Variants in GABRG3 observed in about 807,000 individuals in gnomAD.
GABRG3 encodes gamma-aminobutyric acid type A receptor subunit gamma3, also known as gamma-aminobutyric acid receptor subunit gamma-3.
A neutral mutation model predicts 48.8 loss-of-function variants in GABRG3; 25 were observed. The ratio of observed to expected loss-of-function variants is 0.51; its 90% CI spans 0.37 to 0.72. The LOEUF (loss-of-function observed/expected upper bound fraction) is 0.72. GABRG3 is among the 30% of genes least tolerant of loss of function. The pLI is 0.00. For synonymous variants in GABRG3, 227 were observed against 217.6 expected (o/e 1.04, Z -0.38); for missense variants, 394 against 577.9 (o/e 0.68, Z 3.26).
At position 27,455,816 on chromosome 15, in the gene GABRG3, A is replaced by G. The variant is rs9920174; in HGVS notation, c.575-24834A>G. 1.8e-3 allele frequency among the ~76,000 whole-genome samples: 210 copies of G among 114,862 alleles called. 1 individual carries two copies. The highest frequency in any genetic ancestry group is 4.2e-3 in the South Asian group (16 of 3,826). 75.4% of individuals were successfully genotyped at this position (114,862 alleles called of 152,430 possible). A position where few individuals can be genotyped will look rare whatever the true frequency, so the allele number is the denominator to read the frequency against. On this transcript the variant is annotated intron_variant, in intron 5 of 9. Coordinates refer to ENST00000615808, the MANE Select transcript of GABRG3 (RefSeq NM_033223.5). The stretch of plus-strand genomic sequence containing the variant: ...TATGTGCATGGTATATGTATGCCGT[A>G]GGTGGTTTGTGAGTGTGTGTGATGT...
chr15:27,391,298 T>C (rs903228716), intron 5 of GABRG3, among the ~76,000 whole-genome samples: 1 of 152,140 alleles, frequency 6.6e-6, no homozygotes. Context: ...TAGACAACTT[T>C]AAATCTGAAT....
At chr15:27,206,722 G>C (rs1888863590) in intron 3 of GABRG3, among the ~76,000 whole-genome samples, 1 of 152,146 alleles carries the variant, frequency 6.6e-6, no homozygotes, top group African/African-American at 2.4e-5. Context: ...TGTTTTATGA[G>C]TCTGGGTGCT....
intron 5 of GABRG3, among the ~76,000 whole-genome samples, chr15:27,470,502 G>T (rs1437587125): frequency 6.6e-6 from 1 of 151,818 alleles, no homozygotes. Context: ...CAAAGTGCTA[G>T]GATTACAGGT....
At chr15:27,508,144 T>C (rs1890804876) in intron 6 of GABRG3, among the ~76,000 whole-genome samples, 1 of 152,212 alleles carries the variant, frequency 6.6e-6, no homozygotes, top group Admixed American at 6.5e-5. Flanking sequence ...TTTAGATCAT[T>C]AACATATAAA....
intron 2 of GABRG3, among the ~76,000 whole-genome samples, chr15:27,022,254 G>A (rs537874155): frequency 1.2e-4 from 18 of 152,244 alleles, no homozygotes; most frequent in African/African-American, 2.2e-4. Context: ...GCCACTTCAC[G>A]CTGGAAAAGT....
intron 3 of GABRG3, among the ~76,000 whole-genome samples, chr15:27,305,154 A>G (rs200703220): frequency 6.6e-6 from 1 of 151,978 alleles, no homozygotes; most frequent in East Asian, 1.9e-4. Flanking sequence ...ATGTCTCTGC[A>G]TCATTAGTTG....
intron 9 of GABRG3, chr15:27,530,726 T>C (rs762511843): frequency 3.0e-5 from 14 of 470,946 alleles, no homozygotes; most frequent in South Asian, 1.9e-4. Context: ...AGAATCTTCC[T>C]GTGTGGCTGC....
intron 3 of GABRG3, among the ~76,000 whole-genome samples, chr15:27,201,353 CGTGTGT>C (rs376315853): frequency 2.1e-5 from 3 of 144,254 alleles, no homozygotes; most frequent in Non-Finnish European, 4.6e-5. Context: ...GTGAGGGGTG[CGTGTGT>C]GTGTGTGTGT....
chr15:27,321,578 T>C (rs1893427072), intron 3 of GABRG3, among the ~76,000 whole-genome samples: 1 of 152,256 alleles, frequency 6.6e-6, no homozygotes, highest in Admixed American at 6.5e-5. Context: ...CAACCTTTAA[T>C]TGGCAAAGGC....
intron 3 of GABRG3, among the ~76,000 whole-genome samples, chr15:27,039,443 T>C (rs898789553): frequency 3.9e-5 from 6 of 152,146 alleles, no homozygotes; most frequent in African/African-American, 1.4e-4. Flanking sequence ...TGTCATTTCT[T>C]AGCCGGCTGC....
intron 3 of GABRG3, among the ~76,000 whole-genome samples, chr15:27,139,204 A>G (rs1341769617): frequency 9.9e-5 from 15 of 152,184 alleles, no homozygotes; most frequent in Admixed American, 4.6e-4. Flanking sequence ...CCTTAGACCC[A>G]GGGAAGCTGA....
intron 5 of GABRG3, among the ~76,000 whole-genome samples, chr15:27,382,994 A>G (rs1895822619): frequency 6.6e-6 from 1 of 152,202 alleles, no homozygotes; most frequent in Non-Finnish European, 1.5e-5. Flanking sequence ...GTCATAAGCA[A>G]GGAATAGACT....
chr15:27,100,714 G>GA (rs923452909), intron 3 of GABRG3, among the ~76,000 whole-genome samples: 4 of 151,630 alleles, frequency 2.6e-5, no homozygotes, highest in South Asian at 2.1e-4. Flanking sequence ...ACAGGCAAAA[G>GA]AAAAAAAATC....
At chr15:27,233,995 A>G (rs920644904) in intron 3 of GABRG3, among the ~76,000 whole-genome samples, 2 of 152,224 alleles carry the variant, frequency 1.3e-5, no homozygotes, top group Admixed American at 6.5e-5. Context: ...AGCATCTCTA[A>G]TTCAGACAAT....
intron 6 of GABRG3, among the ~76,000 whole-genome samples, chr15:27,492,486 T>A (rs1031492838): frequency 6.6e-6 from 1 of 152,098 alleles, no homozygotes; most frequent in Admixed American, 6.5e-5. Flanking sequence ...CCGGGGCAAG[T>A]CTAAGGAGAG....
At chr15:27,369,581 G>A (rs1428466136) in intron 5 of GABRG3, among the ~76,000 whole-genome samples, 1 of 152,040 alleles carries the variant, frequency 6.6e-6, no homozygotes, top group African/African-American at 2.4e-5. Context: ...ACTTTGGGAG[G>A]CCAAGGTGGG....
intron 5 of GABRG3, among the ~76,000 whole-genome samples, chr15:27,469,605 T>C (rs1031500028): frequency 2.0e-5 from 3 of 152,192 alleles, no homozygotes; most frequent in Admixed American, 6.5e-5. Context: ...CCTCCCAAAG[T>C]GCTGGGATCA....
At chr15:27,199,580 CTA>C (rs138886235) in intron 3 of GABRG3, among the ~76,000 whole-genome samples, 2,759 of 152,162 alleles carry the variant, frequency 0.018, 67 homozygotes, top group African/African-American at 0.063. Context: ...AATTCTTGTT[CTA>C]TGAGTTTACG....
intron 3 of GABRG3, among the ~76,000 whole-genome samples, chr15:27,306,636 ATT>A: frequency 1.1e-5 from 1 of 88,464 alleles, no homozygotes; most frequent in African/African-American, 5.3e-5. Flanking sequence ...ATAAACATAT[ATT>A]TATATATAAA....
Sources: gnomAD v4.1 joint callset for allele counts (sites outside exome capture counted in the v4.1 genomes callset) on GRCh38, gnomAD v4.1.1 for gene constraint, MANE v1.5 for transcripts, NCBI Gene and HGNC (gene_info 2026-07-23, HGNC 2026-07-21) for gene names.